Variants in TENM3 observed in about 807,000 individuals in gnomAD.
TENM3 encodes the protein teneurin transmembrane protein 3, also known as teneurin-3.
In TENM3, 63 loss-of-function variants were observed where a neutral mutation model predicts 255.1. The observed-to-expected ratio is 0.25, with a 90% CI of 0.20 to 0.30. TENM3 has a LOEUF of 0.30. TENM3 is among the 10% of genes least tolerant of loss of function. The pLI, the probability that TENM3 is intolerant of heterozygous loss-of-function variation, is 1.00. For missense variants in TENM3, 2,929 were observed against 3,461.1 expected, an observed-to-expected ratio of 0.85 and a Z score of 3.86; for synonymous variants, 1,306 against 1,322.3, an observed-to-expected ratio of 0.99 and a Z score of 0.27.
At chr4:181,723,314 G>A in the TENM3 span, among the ~76,000 whole-genome samples, 989 of 150,608 alleles carry the variant, frequency 6.6e-3, 12 homozygotes, top group African/African-American at 0.023. Context: ...ATCTCCATTC[G>A]TTATCTTCCT....
At chr4:182,698,885 T>G (rs1175121483) in intron 12 of TENM3, among the ~76,000 whole-genome samples, 2 of 152,206 alleles carry the variant, frequency 1.3e-5, no homozygotes, top group African/African-American at 4.8e-5. Flanking sequence ...TTCCATACTT[T>G]AGAAAAGGAA....
the TENM3 span, among the ~76,000 whole-genome samples, chr4:181,596,446 C>T: frequency 6.6e-6 from 1 of 152,230 alleles, no homozygotes; most frequent in Non-Finnish European, 1.5e-5. Flanking sequence ...TTCCTCAGAG[C>T]CACAACAAGG....
the TENM3 span, among the ~76,000 whole-genome samples, chr4:181,686,933 G>C: frequency 6.6e-6 from 1 of 151,924 alleles, no homozygotes; most frequent in Non-Finnish European, 1.5e-5. Flanking sequence ...TAAACTTTAT[G>C]TTTTCTTTGT....
intron 3 of TENM3, among the ~76,000 whole-genome samples, chr4:182,518,378 G>T (rs1016592369): frequency 2.6e-5 from 4 of 152,134 alleles, no homozygotes; most frequent in Non-Finnish European, 4.4e-5. Context: ...TGGGAAAGGG[G>T]TTTGTAAGCA....
At chr4:182,779,715 C>A (rs1373154567) in intron 24 of TENM3, among the ~76,000 whole-genome samples, 1 of 152,042 alleles carries the variant, frequency 6.6e-6, no homozygotes, top group African/African-American at 2.4e-5. Flanking sequence ...TCCTCTCCAG[C>A]ACCTGTTGTT....
the TENM3 span, among the ~76,000 whole-genome samples, chr4:181,905,233 A>C: frequency 6.6e-6 from 1 of 152,150 alleles, no homozygotes; most frequent in Non-Finnish European, 1.5e-5. Flanking sequence ...TATATATTTA[A>C]GTATGTATTT....
rs543351649 is a variant in TENM3, at chr4:182,652,099, A to G, written c.989-1672A>G. On this transcript the variant is annotated intron_variant, in intron 5 of 27. Coordinates refer to ENST00000511685, the MANE Select transcript of TENM3 (RefSeq NM_001080477.4). ...TTTTATCCACACAGTGTTTTCTTAG[A>G]TTTTTAAAATCTCAGAAAATAGAAT... Among the ~76,000 whole-genome samples, 87 of 152,274 alleles carry G rather than the reference A, an allele frequency of 5.7e-4. 1 individual carries two copies. The highest frequency in any genetic ancestry group is 2.0e-3 in the African/African-American group (82 of 41,562).
intron 12 of TENM3, among the ~76,000 whole-genome samples, chr4:182,689,495 C>T (rs1756851816): frequency 6.6e-6 from 1 of 152,162 alleles, no homozygotes; most frequent in South Asian, 2.1e-4. Context: ...AAGGGTCCCA[C>T]CACGCCCCCA....
chr4:181,516,732 C>G, the TENM3 span, among the ~76,000 whole-genome samples: 1 of 151,766 alleles, frequency 6.6e-6, no homozygotes, highest in Non-Finnish European at 1.5e-5. Context: ...GCCGAGATTG[C>G]ACCATTGCAC....
intron 3 of TENM3, among the ~76,000 whole-genome samples, chr4:182,465,059 G>A (rs539100532): frequency 2.6e-5 from 4 of 152,182 alleles, no homozygotes; most frequent in Admixed American, 1.3e-4. Context: ...GCAGAGTGGG[G>A]CAAGGGAAGG....
At chr4:182,652,801 C>A (rs1753429768) in intron 5 of TENM3, among the ~76,000 whole-genome samples, 2 of 152,132 alleles carry the variant, frequency 1.3e-5, no homozygotes, top group African/African-American at 2.4e-5. Context: ...AAAAAAAGTT[C>A]TCTTTCATGA....
At chr4:182,228,207 T>C (rs1431664911) in intron 1 of TENM3, among the ~76,000 whole-genome samples, 2 of 151,954 alleles carry the variant, frequency 1.3e-5, no homozygotes, top group South Asian at 2.1e-4. Flanking sequence ...GTGGGGATTT[T>C]TGCTAAGTGA....
At chr4:181,613,540 A>G in the TENM3 span, among the ~76,000 whole-genome samples, 1 of 152,224 alleles carries the variant, frequency 6.6e-6, no homozygotes. Context: ...GTTAAGGTCT[A>G]CTGTGCTGGG....
the TENM3 span, among the ~76,000 whole-genome samples, chr4:181,494,949 A>T: frequency 6.6e-6 from 1 of 151,892 alleles, no homozygotes; most frequent in African/African-American, 2.4e-5. Flanking sequence ...CACCTACTTC[A>T]TCTTGTTCGG....
At chr4:181,692,359 A>AG in the TENM3 span, among the ~76,000 whole-genome samples, 1 of 152,332 alleles carries the variant, frequency 6.6e-6, no homozygotes, top group African/African-American at 2.4e-5. Context: ...ATAAGATGTC[A>AG]GAGGCTCACA....
chr4:181,789,816 CAT>C, the TENM3 span, among the ~76,000 whole-genome samples: 2 of 152,236 alleles, frequency 1.3e-5, no homozygotes, highest in South Asian at 4.2e-4. Context: ...TTGCTGAAAA[CAT>C]GGAAGTGCTG....
chr4:182,199,192 G>C (rs1289663902), intron 1 of TENM3, among the ~76,000 whole-genome samples: 1 of 152,018 alleles, frequency 6.6e-6, no homozygotes, highest in Admixed American at 6.6e-5. Context: ...GGCCGGGCAC[G>C]GTGGCTCACT....
In TENM3 at chr4:182,668,398, G is replaced by A. The variant is rs191977336; in HGVS notation, c.1112-4607G>A. Among the ~76,000 whole-genome samples the A allele has an allele frequency of 1.2e-4, 19 of 152,178 alleles. No homozygotes were observed. The East Asian group carries it at 3.1e-3, about 25-fold the overall frequency. On this transcript the variant is annotated intron_variant, in intron 6 of 27. Transcript: ENST00000511685. ...CCGTTCCTTATTGAAAAGTTTTAAT[G>A]TTTCCTAGGGATATGGCTACCCTTT...
At chr4:182,587,636 C>CT (rs1482986125) in intron 3 of TENM3, among the ~76,000 whole-genome samples, 2 of 152,056 alleles carry the variant, frequency 1.3e-5, no homozygotes, top group Non-Finnish European at 2.9e-5. Context: ...GTCTTGAAAT[C>CT]GTGGTCTCAA....
Sources: allele counts gnomAD v4.1 joint callset (sites outside exome capture counted in the v4.1 genomes callset), GRCh38; gene constraint gnomAD v4.1.1; transcripts MANE v1.5; gene names NCBI Gene and HGNC (gene_info 2026-07-23, HGNC 2026-07-21).